Variants in TOX observed in about 807,000 individuals in gnomAD.
TOX encodes the protein thymocyte selection-associated high mobility group box protein TOX.
Under a neutral mutation model 53.7 loss-of-function variants are expected in TOX, and 11 were observed. The ratio of observed to expected loss-of-function variants is 0.20; its 90% CI spans 0.13 to 0.34. The LOEUF (loss-of-function observed/expected upper bound fraction) is 0.34. Ranked by LOEUF, TOX falls within the 10% of genes least tolerant of loss-of-function variation. The probability of loss-of-function intolerance (pLI) is 1.00; values close to 1 mark genes in which losing one functional copy is unlikely to be tolerated. For synonymous variants in TOX, 225 were observed against 245.3 expected, an observed-to-expected ratio of 0.92 and a Z score of 0.77; for missense variants, 570 against 664.6, an observed-to-expected ratio of 0.86 and a Z score of 1.56.
intron 1 of TOX, among the ~76,000 whole-genome samples, chr8:59,079,063 G>T (rs565759705): frequency 6.6e-6 from 1 of 152,282 alleles, no homozygotes; most frequent in East Asian, 1.9e-4. Context: ...TTTCTAAGCA[G>T]CAAAGTGTTT....
chr8:59,029,501 C>A (rs1251027552), intron 1 of TOX, among the ~76,000 whole-genome samples: 1 of 152,126 alleles, frequency 6.6e-6, no homozygotes, highest in African/African-American at 2.4e-5. Flanking sequence ...AACTATATTC[C>A]AGCCATTAGC....
chr8:58,860,241 C>T (rs896722101), intron 3 of TOX, among the ~76,000 whole-genome samples: 1 of 152,066 alleles, frequency 6.6e-6, no homozygotes, highest in Non-Finnish European at 1.5e-5. Flanking sequence ...TTTTTCAACT[C>T]ATAAAAAGAG....
At chr8:59,054,068 TCTC>T (rs2129421467) in intron 1 of TOX, among the ~76,000 whole-genome samples, 1 of 152,254 alleles carries the variant, frequency 6.6e-6, no homozygotes, top group South Asian at 2.1e-4. Flanking sequence ...TTGCAAGTAA[TCTC>T]CTATTCAGTG....
chr8:58,880,303 C>T (rs1459736351), intron 3 of TOX, among the ~76,000 whole-genome samples: 1 of 152,158 alleles, frequency 6.6e-6, no homozygotes, highest in Non-Finnish European at 1.5e-5. Flanking sequence ...TATTTAACAT[C>T]CTTGAGCTTG....
chr8:58,983,650 ATGTCAAATCAATTTTGG>A (rs1300667418), intron 1 of TOX, among the ~76,000 whole-genome samples: 1 of 152,230 alleles, frequency 6.6e-6, no homozygotes, highest in Non-Finnish European at 1.5e-5. Flanking sequence ...CCACCTTAGA[ATGTCAAATCAATTTTGG>A]TGACATTTTT....
intron 1 of TOX, among the ~76,000 whole-genome samples, chr8:59,092,883 A>C (rs1804650080): frequency 6.6e-6 from 1 of 152,204 alleles, no homozygotes; most frequent in Admixed American, 6.5e-5. Flanking sequence ...CCCCGTGCCT[A>C]GAACAGAGTA....
intron 1 of TOX, among the ~76,000 whole-genome samples, chr8:59,080,680 A>C (rs775636801): frequency 1.8e-4 from 28 of 152,090 alleles, no homozygotes; most frequent in Non-Finnish European, 3.8e-4. Flanking sequence ...TGCTGTTGTC[A>C]TGACAGTGAG....
intron 1 of TOX, among the ~76,000 whole-genome samples, chr8:59,056,109 T>A (rs1803883974): frequency 6.6e-6 from 1 of 151,828 alleles, no homozygotes; most frequent in Non-Finnish European, 1.5e-5. Context: ...TTCTTGGAAG[T>A]CTTTCTAAAC....
At chr8:59,068,871 A>T (rs73256315) in intron 1 of TOX, among the ~76,000 whole-genome samples, 1,990 of 152,258 alleles carry the variant, frequency 0.013, 52 homozygotes, top group African/African-American at 0.045. Context: ...TATAGAGCTG[A>T]AGTTGGGTCT....
chr8:58,998,534 T>A (rs1323302269), intron 1 of TOX, among the ~76,000 whole-genome samples: 60 of 18,330 alleles, frequency 3.3e-3, no homozygotes, highest in African/African-American at 6.0e-3. Flanking sequence ...TATATATATA[T>A]ATATAAATTT....
intron 3 of TOX, among the ~76,000 whole-genome samples, chr8:58,878,790 G>A (rs1455892661): frequency 2.0e-5 from 3 of 152,152 alleles, no homozygotes; most frequent in African/African-American, 4.8e-5. Flanking sequence ...GCCAGGCACA[G>A]TGGTTGACAC....
chr8:59,016,383 G>A lies in TOX; in HGVS notation c.103-56375C>T, dbSNP rs115323301. Among the ~76,000 whole-genome samples the A allele has an allele frequency of 7.1e-3, 1,086 of 152,074 alleles. 13 individuals carry two copies. Among genetic ancestry groups the A allele is most frequent in the African/African-American group, 0.025 (1,036 of 41,496 alleles). On this transcript the variant is annotated intron_variant, in intron 1 of 8. Coordinates refer to ENST00000361421, the MANE Select transcript of TOX (RefSeq NM_014729.3). ...TTAAAGTATCAATTTAATTTTCCCT[G>A]TTTAAAATTGTGACTCATTAATCTG...
intron 1 of TOX, among the ~76,000 whole-genome samples, chr8:58,972,478 G>A (rs1235995111): frequency 6.6e-6 from 1 of 152,130 alleles, no homozygotes; most frequent in African/African-American, 2.4e-5. Context: ...AGTTTGACAT[G>A]AAAATATAAG....
chr8:58,999,484 G>T (rs138443206), intron 1 of TOX, among the ~76,000 whole-genome samples: 249 of 152,298 alleles, frequency 1.6e-3, no homozygotes, highest in Admixed American at 8.0e-3. Flanking sequence ...CAAGACTATT[G>T]TAGAAATACT....
At chr8:58,958,036 T>A (rs1229184281) in intron 2 of TOX, among the ~76,000 whole-genome samples, 3 of 152,236 alleles carry the variant, frequency 2.0e-5, no homozygotes, top group African/African-American at 7.2e-5. Context: ...CTAGTCTAAA[T>A]TTTAAAACAG....
chr8:58,815,690 T>C lies in TOX; in HGVS notation c.1040A>G (p.Gln347Arg), dbSNP rs1585840224. 1 of 1,613,466 alleles carries C rather than the reference T, an allele frequency of 6.2e-7. No homozygotes were observed. Among genetic ancestry groups the C allele is most frequent in the African/African-American group, 1.3e-5 (1 of 74,966 alleles). ...YSEPVDVKTS[Q>R]PPQLINSKPS... is the part of the protein sequence containing the mutation. ...CTTCGAATTGATCAGCTGAGGAGGT[T>C]GAGATGTCTTCACGTCAACAGGTTC... Residue 347 changes from glutamine to arginine, a missense_variant, in exon 7 of 9, where the codon CAA becomes CGA. Physicochemically the swap from Gln to Arg is conservative, Grantham distance 43. Transcript: ENST00000361421.
intron 1 of TOX, among the ~76,000 whole-genome samples, chr8:59,067,479 C>A (rs558402969): frequency 1.2e-4 from 19 of 152,176 alleles, no homozygotes; most frequent in African/African-American, 4.6e-4. Flanking sequence ...CGCTTGAACC[C>A]AGGAGGCAGA....
chr8:58,961,921 C>G (rs1214401376), intron 1 of TOX, among the ~76,000 whole-genome samples: 2 of 152,208 alleles, frequency 1.3e-5, no homozygotes, highest in African/African-American at 4.8e-5. Flanking sequence ...TCATCTCCAC[C>G]CACTGTTGGA....
At chr8:58,904,403 G>A (rs1811781091) in intron 3 of TOX, among the ~76,000 whole-genome samples, 1 of 152,018 alleles carries the variant, frequency 6.6e-6, no homozygotes. Flanking sequence ...ATTGTTTAAG[G>A]GCTTTCCACA....
Sources: allele counts gnomAD v4.1 joint callset (sites outside exome capture counted in the v4.1 genomes callset), GRCh38; gene constraint gnomAD v4.1.1; transcripts MANE v1.5; gene names NCBI Gene and HGNC (gene_info 2026-07-23, HGNC 2026-07-21).